The following WTIP variants were observed in gnomAD, a reference collection of about 807,000 sequenced individuals.
The protein encoded by WTIP is Wilms tumor protein 1-interacting protein.
WTIP carries 23 observed loss-of-function variants against 41.7 expected under a neutral mutation model. The ratio of observed to expected loss-of-function variants is 0.55; its 90% CI spans 0.40 to 0.78. WTIP has a LOEUF of 0.78. WTIP is among the 30% of genes least tolerant of loss of function. The pLI is 0.00. For missense variants in WTIP, 619 were observed against 610.5 expected, an observed-to-expected ratio of 1.01 and a Z score of -0.15; for synonymous variants, 314 against 269.9, an observed-to-expected ratio of 1.16 and a Z score of -1.60.
rs1423554512 is a variant in WTIP at position 34,493,338 on chromosome 19, C to T, written c.900+13C>T. On this transcript the variant is annotated intron_variant, in intron 4 of 7. Transcript: ENST00000590071. This position sits in a 1 kb window ranked among gnomAD's most constrained non-coding sequence, Gnocchi z 4.1. ...CATCATGGAAATGGTGAGCCCCTGC[C>T]CCAGCCTCCTGGAGCCCCTCTGACG... 4 of 1,611,088 alleles carry T rather than the reference C, an allele frequency of 2.5e-6. No individual in the cohort carries two copies. Among genetic ancestry groups the T allele is most frequent in the East Asian group, 4.5e-5 (2 of 44,770 alleles).
chr19:34,493,094 A>C lies in WTIP; in HGVS notation c.827A>C (p.Glu276Ala). 4 of 1,613,898 alleles carry C rather than the reference A, an allele frequency of 2.5e-6. No individual in the cohort carries two copies. Among genetic ancestry groups the C allele is most frequent in the Non-Finnish European group, 3.4e-6 (4 of 1,179,866 alleles). ...GTGGGTGAGAAAGTGTACTGCCAGG[A>C]GGACTTCCTGGTGAGTCCAAGCTGT... Reference protein sequence around the residue: ...YNVGEKVYCQEDFLYSGFQQT... With the variant: ...YNVGEKVYCQADFLYSGFQQT... The change falls in exon 3 of 8, where the codon GAG becomes GCG. Residue 276 changes from glutamate (E) to alanine (A), a missense_variant. Glu to Ala is a moderately radical substitution (Grantham distance 107, BLOSUM62 -1). Transcript: ENST00000590071. This position sits in a 1 kb window ranked among gnomAD's most constrained non-coding sequence, Gnocchi z 4.1.
intron 1 of WTIP, among the ~76,000 whole-genome samples, chr19:34,487,874 C>T (rs2075805599): frequency 6.6e-6 from 1 of 152,208 alleles, no homozygotes; most frequent in South Asian, 2.1e-4. Context: ...GATGTATGGG[C>T]TACTTGCCTA....
rs951776127 is a variant in WTIP, at chr19:34,501,774, C to T, written c.*1505C>T. On this transcript the variant is annotated 3_prime_UTR_variant, in exon 8 of 8. Transcript: ENST00000590071. ...CTGAGCCGGCAAGTACAGGGGTGGT[C>T]AGGGAGCCTTAGCCAGGGACTTACA... The T allele has an allele frequency of 6.6e-6, 1 of 152,368 alleles. No homozygotes were observed. The highest frequency in any genetic ancestry group is 2.4e-5 in the African/African-American group (1 of 41,450). 9.4% of individuals were successfully genotyped at this position (152,368 alleles called of 1,614,324 possible).
At position 34,500,223 on chromosome 19, in the gene WTIP, A is replaced by C. The variant is rs908535878; in HGVS notation, c.1247A>C (p.Gln416Pro). ...LCRRCHLRRL[Q>P]PGPLPSPTVH... ...CGTCGTTGCCACCTGCGGCGCCTCC[A>C]ACCTGGGCCTCTTCCCTCACCCACT... Residue 416 changes from glutamine (Q) to proline (P), a missense_variant, in exon 8 of 8, where the codon CAA becomes CCA. Around this residue, in one of 3 missense-constraint regions of WTIP, gnomAD observed 92 missense variants for 82.4 expected, o/e 1.12. Coordinates refer to ENST00000590071, the MANE Select transcript of WTIP (RefSeq NM_001080436.2). 1 of 1,607,762 alleles carries C rather than the reference A, an allele frequency of 6.2e-7. No homozygotes were observed. Among genetic ancestry groups the C allele is most frequent in the Non-Finnish European group, 8.5e-7 (1 of 1,179,542 alleles).
chr19:34,509,904 C>T lies in WTIP; in HGVS notation c.*9635C>T, dbSNP rs2075926922. 6.6e-6 allele frequency: 1 copy of T among 152,212 alleles called. No homozygotes were observed. Among genetic ancestry groups the T allele is most frequent in the Non-Finnish European group, 1.5e-5 (1 of 68,050 alleles). 9.4% of individuals were successfully genotyped at this position (152,212 alleles called of 1,614,324 possible). A position where few individuals can be genotyped will look rare whatever the true frequency, so the allele number is the denominator to read the frequency against. On this transcript the variant is annotated 3_prime_UTR_variant, in exon 8 of 8. Coordinates refer to ENST00000590071, the MANE Select transcript of WTIP (RefSeq NM_001080436.2). ...AGTGATTTCCTTTGACTCCATGTCTCATATCCAAGTCACAGTGATGCAAGA... is the reference window on the plus strand; with the variant it reads ...AGTGATTTCCTTTGACTCCATGTCTTATATCCAAGTCACAGTGATGCAAGA...
chr19:34,500,404 C>T lies in WTIP; in HGVS notation c.*135C>T. On this transcript the variant is annotated 3_prime_UTR_variant, in exon 8 of 8. Transcript: ENST00000590071. ...GAGCTGCTGTCTGCAGGGGCCGGACCCCCGCGTGGAAGCTTCTATTTATTC... is the reference window on the plus strand; with the variant it reads ...GAGCTGCTGTCTGCAGGGGCCGGACTCCCGCGTGGAAGCTTCTATTTATTC... 1 of 1,241,882 alleles carries T rather than the reference C, an allele frequency of 8.1e-7. No individual in the cohort carries two copies. The highest frequency in any genetic ancestry group is 1.1e-6 in the Non-Finnish European group (1 of 933,998). 76.9% of individuals were successfully genotyped at this position (1,241,882 alleles called of 1,614,324 possible). A position where few individuals can be genotyped will look rare whatever the true frequency, so the allele number is the denominator to read the frequency against.
intron 2 of WTIP, among the ~76,000 whole-genome samples, chr19:34,491,069 C>T (rs2075822897): frequency 6.6e-6 from 1 of 151,802 alleles, no homozygotes; most frequent in Non-Finnish European, 1.5e-5. Flanking sequence ...CTCAAGTGAT[C>T]CGCCTGCCTC....
chr19:34,494,744 A>G, intron 6 of WTIP, 107 bp downstream of exon 6: 1 of 1,168,244 alleles, frequency 8.6e-7, no homozygotes, highest in Non-Finnish European at 1.2e-6. Flanking sequence ...AGGGATGAGC[A>G]GGTGCTTCTC....
intron 1 of WTIP, among the ~76,000 whole-genome samples, chr19:34,489,779 A>T (rs1291529671): frequency 6.6e-6 from 1 of 152,130 alleles, no homozygotes; most frequent in Non-Finnish European, 1.5e-5. Flanking sequence ...TCTACAAAAG[A>T]AAAAATCAGC....
intron 2 of WTIP, among the ~76,000 whole-genome samples, chr19:34,491,543 C>T (rs1444821070): frequency 6.6e-6 from 1 of 151,574 alleles, no homozygotes; most frequent in African/African-American, 2.4e-5. Flanking sequence ...AGGATGGTCT[C>T]GATCTCCTGA....
At chr19:34,489,796 T>A (rs982631722) in intron 1 of WTIP, among the ~76,000 whole-genome samples, 1 of 152,130 alleles carries the variant, frequency 6.6e-6, no homozygotes, top group Non-Finnish European at 1.5e-5. Flanking sequence ...CAGCCGTGCG[T>A]GATGGCATGT....
At chr19:34,490,930 TC>T (rs1446665177) in intron 2 of WTIP, among the ~76,000 whole-genome samples, 1 of 152,032 alleles carries the variant, frequency 6.6e-6, no homozygotes, top group African/African-American at 2.4e-5. Flanking sequence ...CAAGAGATTC[TC>T]CTGCCTCAGC....
rs1417805347 is a variant in WTIP, at chr19:34,505,310, G to A, written c.*5041G>A. ...AGTGCTCAGGAAACTCAGGAGGAGT[G>A]TGGACGCGGCTCCTCTCCTTCCACC... is the stretch of plus-strand genomic sequence containing the variant. On this transcript the variant is annotated 3_prime_UTR_variant, in exon 8 of 8. Transcript: ENST00000590071. 2.0e-5 allele frequency: 3 copies of A among 152,250 alleles called. No individual in the cohort carries two copies. The highest frequency in any genetic ancestry group is 7.2e-5 in the African/African-American group (3 of 41,408). The allele number at this position is 152,250 out of a possible 1,614,324, so 9.4% of individuals were successfully genotyped here.
rs1251334378 is a variant in WTIP at position 34,508,939 on chromosome 19, T to C, written c.*8670T>C. 1 of 152,254 alleles carries C rather than the reference T, an allele frequency of 6.6e-6. No individual in the cohort carries two copies. The highest frequency in any genetic ancestry group is 6.5e-5 in the Admixed American group (1 of 15,292). 9.4% of individuals were successfully genotyped at this position (152,254 alleles called of 1,614,324 possible). A position where few individuals can be genotyped will look rare whatever the true frequency, so the allele number is the denominator to read the frequency against. ...ATTTTCTTCTACAACACGACATACGTTCATTGTGGTACATTTAGGAAATTT... is the reference window on the plus strand; with the variant it reads ...ATTTTCTTCTACAACACGACATACGCTCATTGTGGTACATTTAGGAAATTT... On this transcript the variant is annotated 3_prime_UTR_variant, in exon 8 of 8. Transcript: ENST00000590071.
intron 1 of WTIP, among the ~76,000 whole-genome samples, chr19:34,483,483 C>T (rs1386999619): frequency 6.6e-6 from 1 of 152,172 alleles, no homozygotes; most frequent in Non-Finnish European, 1.5e-5. Flanking sequence ...TACCGCCTGA[C>T]CCAGGCTTTG....
At chr19:34,494,724 C>T (rs1309003973) in intron 6 of WTIP, 87 bp downstream of exon 6, 10 of 1,393,268 alleles carry the variant, frequency 7.2e-6, no homozygotes, top group African/African-American at 2.9e-5. Context: ...AGGTCTTGGG[C>T]GACAGTGGGA....
intron 7 of WTIP, 62 bp downstream of exon 7, chr19:34,495,833 C>T: frequency 6.4e-6 from 10 of 1,551,134 alleles, no homozygotes; most frequent in Non-Finnish European, 8.9e-6. Flanking sequence ...GGGCTCTCCT[C>T]TCTGGGTGTT....
In WTIP at chr19:34,500,362, CCAAT is replaced by C. The variant is rs1271767949; in HGVS notation, c.*96_*99del. ...CTGGTCAGCGTCAGGGGAGCTCCCT[CCAAT>C]CAGTTTCCCACCGAGCTGCTGTCTG... is the stretch of plus-strand genomic sequence containing the variant. On this transcript the variant is annotated 3_prime_UTR_variant, in exon 8 of 8. Coordinates refer to ENST00000590071, the MANE Select transcript of WTIP (RefSeq NM_001080436.2). 18 of 1,398,022 alleles carry C rather than the reference CCAAT, an allele frequency of 1.3e-5. No homozygotes were observed. Among genetic ancestry groups the C allele is most frequent in the Non-Finnish European group, 1.4e-5 (15 of 1,066,026 alleles). The allele number at this position is 1,398,022 out of a possible 1,614,324, so 86.6% of individuals were successfully genotyped here.
chr19:34,505,458 C>T lies in WTIP; in HGVS notation c.*5189C>T, dbSNP rs1256837743. On this transcript the variant is annotated 3_prime_UTR_variant, in exon 8 of 8. Coordinates refer to ENST00000590071, the MANE Select transcript of WTIP (RefSeq NM_001080436.2). ...AGGGATGCCAGCCCCCCTGTGGGCC[C>T]TCAGGACTGGTAGCCCTGGGCCCCC... is the stretch of plus-strand genomic sequence containing the variant. The T allele has an allele frequency of 6.6e-6, 1 of 152,326 alleles. No individual in the cohort carries two copies. Among genetic ancestry groups the T allele is most frequent in the Non-Finnish European group, 1.5e-5 (1 of 68,124 alleles). 9.4% of individuals were successfully genotyped at this position (152,326 alleles called of 1,614,324 possible). A position where few individuals can be genotyped will look rare whatever the true frequency, so the allele number is the denominator to read the frequency against.
Sources: gnomAD v4.1 joint callset for allele counts (sites outside exome capture counted in the v4.1 genomes callset) on GRCh38, gnomAD v4.1.1 for gene constraint, gnomAD v4.1.1 regional missense constraint, Gnocchi (gnomAD v3.1) non-coding constraint, MANE v1.5 for transcripts, NCBI Gene and HGNC (gene_info 2026-07-23, HGNC 2026-07-21) for gene names.